LYPLA1: variants seen among roughly 807,000 people sequenced by gnomAD.
LYPLA1 encodes the protein lysophospholipase 1, also known as acyl-protein thioesterase 1.
Under a neutral mutation model 34.0 loss-of-function variants are expected in LYPLA1, and 17 were observed. That is an observed-to-expected ratio of 0.50 (90% confidence interval 0.34 to 0.75). The LOEUF (loss-of-function observed/expected upper bound fraction) is 0.75. Ranked by LOEUF, LYPLA1 falls within the 30% of genes least tolerant of loss-of-function variation. The pLI is 0.01. For missense variants in LYPLA1, 203 were observed against 288.8 expected (o/e 0.70, Z 2.15); for synonymous variants, 98 against 100.8 (o/e 0.97, Z 0.17).
At chr8:54,085,179 G>A (rs924064874) in intron 2 of LYPLA1, among the ~76,000 whole-genome samples, 1 of 152,240 alleles carries the variant, frequency 6.6e-6, no homozygotes, top group African/African-American at 2.4e-5. Context: ...GTTGAGACAG[G>A]GTTTCGCCGT....
At chr8:54,048,550 A>T (rs1805627524) in intron 8 of LYPLA1, among the ~76,000 whole-genome samples, 1 of 152,248 alleles carries the variant, frequency 6.6e-6, no homozygotes, top group African/African-American at 2.4e-5. Flanking sequence ...AAAGAATTAC[A>T]TACAACTAAC....
In LYPLA1 at chr8:54,050,556, C is replaced by T. The variant is rs915439295; in HGVS notation, c.639+456G>A. 3.4e-4 allele frequency among the ~76,000 whole-genome samples: 52 copies of T among 152,200 alleles called. 1 individual carries two copies. The highest frequency in any genetic ancestry group is 1.3e-4 in the Non-Finnish European group (9 of 68,038). ...CCTGTCCTATAGTTCTTTCTCTGCA[C>T]ATTTGCTATCCAAATCCCACCGTTT... On this transcript the variant is annotated intron_variant, in intron 8 of 8. Coordinates refer to ENST00000316963, the MANE Select transcript of LYPLA1 (RefSeq NM_006330.4).
At chr8:54,088,982 C>A (rs1809000780) in intron 2 of LYPLA1, among the ~76,000 whole-genome samples, 1 of 152,142 alleles carries the variant, frequency 6.6e-6, no homozygotes, top group African/African-American at 2.4e-5. Context: ...ATGCAAAAGA[C>A]CAAATATTAT....
chr8:54,074,167 G>C (rs1449585757), intron 2 of LYPLA1, among the ~76,000 whole-genome samples: 1 of 152,178 alleles, frequency 6.6e-6, no homozygotes, highest in Non-Finnish European at 1.5e-5. Flanking sequence ...CCAGCTACTT[G>C]GGAGACTGAG....
rs945246099 is a variant in LYPLA1 at position 54,047,833 on chromosome 8, A to G, written c.*232T>C. 51 of 375,774 alleles carry G rather than the reference A, an allele frequency of 1.4e-4. No individual in the cohort carries two copies. Among genetic ancestry groups the G allele is most frequent in the Non-Finnish European group, 1.7e-4 (35 of 211,318 alleles). 23.3% of individuals were successfully genotyped at this position (375,774 alleles called of 1,614,324 possible). ...TGAGAAAAAAGAAGCTACCTGCTTC[A>G]TCTATTCTAATATAGTAGATCCTGG... On this transcript the variant is annotated 3_prime_UTR_variant, in exon 9 of 9. Transcript: ENST00000316963.
intron 2 of LYPLA1, among the ~76,000 whole-genome samples, chr8:54,082,609 G>T (rs1050804921): frequency 6.6e-6 from 1 of 152,154 alleles, no homozygotes; most frequent in Non-Finnish European, 1.5e-5. Context: ...GTGAGCCATT[G>T]CACCTGCCCA....
At chr8:54,099,993 C>A (rs1247474670) in intron 2 of LYPLA1, among the ~76,000 whole-genome samples, 1 of 152,092 alleles carries the variant, frequency 6.6e-6, no homozygotes, top group East Asian at 1.9e-4. Context: ...CCCAATGGTT[C>A]ATTTTAAAGA....
chr8:54,052,251 GTTTC>G (rs1414481091), intron 7 of LYPLA1, among the ~76,000 whole-genome samples: 2 of 152,050 alleles, frequency 1.3e-5, no homozygotes, highest in South Asian at 2.1e-4. Flanking sequence ...TGACAATAAG[GTTTC>G]TTTCTAATTC....
chr8:54,062,578 C>G (rs1418504535), intron 4 of LYPLA1, among the ~76,000 whole-genome samples: 3 of 152,000 alleles, frequency 2.0e-5, no homozygotes, highest in African/African-American at 7.2e-5. Flanking sequence ...GTGGCATGAT[C>G]TCTGCTCACT....
chr8:54,058,578 T>C (rs1375883266), intron 5 of LYPLA1, among the ~76,000 whole-genome samples: 2 of 151,520 alleles, frequency 1.3e-5, no homozygotes, highest in South Asian at 2.1e-4. Context: ...ATAAATCTCT[T>C]TTGCTCGCTC....
rs1181474152 is a variant in LYPLA1, at chr8:54,081,378, C to T, written c.102-15565G>A. Among the ~76,000 whole-genome samples, 5 of 151,776 alleles carry T rather than the reference C, an allele frequency of 3.3e-5. No individual in the cohort carries two copies. The East Asian group carries it at 9.6e-4, about 29-fold the overall frequency. On this transcript the variant is annotated intron_variant, in intron 2 of 8. Coordinates refer to ENST00000316963, the MANE Select transcript of LYPLA1 (RefSeq NM_006330.4). ...TACACAGTTTTTGGCCAGCAGCTCT[C>T]GTCCAATGAAAGAGCTCAAGAAAAT...
chr8:54,055,422 A>G (rs1230674881), intron 5 of LYPLA1, among the ~76,000 whole-genome samples: 4 of 152,168 alleles, frequency 2.6e-5, no homozygotes, highest in Admixed American at 2.6e-4. Flanking sequence ...AATGAAAACT[A>G]TAAAACACTG....
chr8:54,062,653 A>G (rs1806741568), intron 4 of LYPLA1, among the ~76,000 whole-genome samples: 1 of 152,160 alleles, frequency 6.6e-6, no homozygotes. Context: ...CTGGTACTAC[A>G]GGTGCATGCC....
chr8:54,055,924 A>T (rs1207728881), intron 5 of LYPLA1, among the ~76,000 whole-genome samples: 2 of 152,182 alleles, frequency 1.3e-5, no homozygotes, highest in East Asian at 3.9e-4. Context: ...TACAGGCGTG[A>T]GCCACCGTGC....
intron 2 of LYPLA1, among the ~76,000 whole-genome samples, chr8:54,097,939 C>G (rs757700072): frequency 6.6e-6 from 1 of 152,204 alleles, no homozygotes; most frequent in Non-Finnish European, 1.5e-5. Flanking sequence ...AAAAGCACTA[C>G]AGGCTGGGCG....
rs549945008 is a variant in LYPLA1 at position 54,080,679 on chromosome 8, C to CT, written c.102-14867dup. On this transcript the variant is annotated intron_variant, in intron 2 of 8. Coordinates refer to ENST00000316963, the MANE Select transcript of LYPLA1 (RefSeq NM_006330.4). ...CTCGGTTCACTGCAACCTCCGCCTCCTGAGTAAAAGTGATTCTCCTGCCTC... is the reference window on the plus strand; with the variant it reads ...CTCGGTTCACTGCAACCTCCGCCTCCTTGAGTAAAAGTGATTCTCCTGCCTC... Among the ~76,000 whole-genome samples, 1,054 of 152,266 alleles carry CT rather than the reference C, an allele frequency of 6.9e-3. 7 individuals are homozygous for CT. Among genetic ancestry groups the CT allele is most frequent in the Middle Eastern group, 0.01 (3 of 294 alleles).
At chr8:54,063,739 A>G (rs1458659826) in intron 3 of LYPLA1, among the ~76,000 whole-genome samples, 1 of 152,248 alleles carries the variant, frequency 6.6e-6, no homozygotes, top group Non-Finnish European at 1.5e-5. Flanking sequence ...TGAGTGATTT[A>G]TTACACTGAT....
intron 2 of LYPLA1, among the ~76,000 whole-genome samples, chr8:54,068,284 G>A (rs1039986138): frequency 1.3e-5 from 2 of 152,036 alleles, no homozygotes; most frequent in African/African-American, 2.4e-5. Context: ...TTTTAAAGAC[G>A]GCAGTACTCT....
intron 2 of LYPLA1, among the ~76,000 whole-genome samples, chr8:54,099,401 T>A (rs1809938425): frequency 6.6e-6 from 1 of 152,134 alleles, no homozygotes; most frequent in Non-Finnish European, 1.5e-5. Flanking sequence ...GAATCACTTT[T>A]AAGTGGTGGC....
Sources: allele counts gnomAD v4.1 joint callset (sites outside exome capture counted in the v4.1 genomes callset), GRCh38; gene constraint gnomAD v4.1.1; transcripts MANE v1.5; gene names NCBI Gene and HGNC (gene_info 2026-07-23, HGNC 2026-07-21).